The following PLXDC2 variants were observed in gnomAD, a reference collection of about 807,000 sequenced individuals.
PLXDC2 encodes plexin domain containing 2, also known as plexin domain-containing protein 2.
Under a neutral mutation model 68.9 loss-of-function variants are expected in PLXDC2, and 40 were observed. The ratio of observed to expected loss-of-function variants is 0.58; its 90% confidence interval spans 0.45 to 0.76. The LOEUF (loss-of-function observed/expected upper bound fraction) is 0.76, where lower values mean the gene tolerates loss of function less well. Among genes scored for constraint, PLXDC2 ranks in the 30% least tolerant of loss-of-function variants. The pLI is 0.00. For synonymous variants in PLXDC2, 243 were observed against 234.2 expected (o/e 1.04, Z -0.34); for missense variants, 644 against 661.9 (o/e 0.97, Z 0.30).
At chr10:20,149,471 T>G (rs1834124214) in intron 6 of PLXDC2, among the ~76,000 whole-genome samples, 1 of 151,968 alleles carries the variant, frequency 6.6e-6, no homozygotes, top group Admixed American at 6.6e-5. Flanking sequence ...ACGCCCTACC[T>G]CAGGTGATCC....
intron 2 of PLXDC2, among the ~76,000 whole-genome samples, chr10:20,022,012 A>C (rs1421631015): frequency 6.6e-6 from 1 of 152,174 alleles, no homozygotes; most frequent in East Asian, 1.9e-4. Context: ...TTTATTTTGT[A>C]GACATCTGCT....
intron 4 of PLXDC2, among the ~76,000 whole-genome samples, chr10:20,108,701 G>T (rs757187835): frequency 6.6e-6 from 1 of 152,058 alleles, no homozygotes; most frequent in African/African-American, 2.4e-5. Context: ...TTAAATTGAG[G>T]TTATGTCACT....
intron 9 of PLXDC2, among the ~76,000 whole-genome samples, chr10:20,201,889 T>C (rs931757482): frequency 1.3e-5 from 2 of 152,118 alleles, no homozygotes; most frequent in African/African-American, 2.4e-5. Context: ...CAAGTAAATA[T>C]GCATTAAATA....
At chr10:19,978,235 G>A (rs1198537485) in intron 1 of PLXDC2, among the ~76,000 whole-genome samples, 3 of 152,114 alleles carry the variant, frequency 2.0e-5, no homozygotes, top group Admixed American at 2.0e-4. Context: ...CATAGATTCA[G>A]CTTACAGTCT....
At chr10:20,115,080 G>A (rs906040394) in intron 4 of PLXDC2, among the ~76,000 whole-genome samples, 2 of 152,156 alleles carry the variant, frequency 1.3e-5, no homozygotes, top group Non-Finnish European at 2.9e-5. Context: ...GCTAGATTCT[G>A]ATGACATTGG....
intron 4 of PLXDC2, among the ~76,000 whole-genome samples, chr10:20,130,595 T>G (rs1451674527): frequency 6.6e-6 from 1 of 152,158 alleles, no homozygotes; most frequent in African/African-American, 2.4e-5. Flanking sequence ...AGCTTTTAGC[T>G]TTTTATCATT....
Position 20,031,349 on chromosome 10 carries a change from G to A in PLXDC2, c.325-15520G>A, listed in dbSNP as rs555079928. Among the ~76,000 whole-genome samples, 7 of 151,928 alleles carry A rather than the reference G, an allele frequency of 4.6e-5. No homozygotes were observed. The East Asian group carries it at 5.8e-4, about 13-fold the overall frequency. On this transcript the variant is annotated intron_variant, in intron 2 of 13. Coordinates refer to ENST00000377252, the MANE Select transcript of PLXDC2 (RefSeq NM_032812.9). ...TGTGCCACTGCTCTCCAGCCTGGGC[G>A]ACAGAGCAAGATCCTATTAAAAAAA...
intron 1 of PLXDC2, among the ~76,000 whole-genome samples, chr10:19,831,981 G>A (rs999687610): frequency 3.3e-5 from 5 of 152,080 alleles, no homozygotes; most frequent in African/African-American, 1.2e-4. Context: ...CTCTTTCATG[G>A]ATGACATATC....
chr10:19,891,626 G>A (rs1837965528), intron 1 of PLXDC2, among the ~76,000 whole-genome samples: 1 of 152,180 alleles, frequency 6.6e-6, no homozygotes, highest in Admixed American at 6.5e-5. Flanking sequence ...TCCCTACAAA[G>A]AGATTAGGCC....
At chr10:20,111,065 A>C (rs1490548363) in intron 4 of PLXDC2, among the ~76,000 whole-genome samples, 1 of 152,198 alleles carries the variant, frequency 6.6e-6, no homozygotes, top group Non-Finnish European at 1.5e-5. Context: ...TATACAACAG[A>C]AATCAGCCAG....
rs1588562950 is a variant in PLXDC2 at position 20,287,986 on chromosome 10, G to GC, written c.*8167_*8168insC. On this transcript the variant is annotated 3_prime_UTR_variant, in exon 14 of 14. Transcript: ENST00000377252. ...ATTGGGCACTTCTTGCGGCGGGGGAGGGGGGGGGGGCGGTGGCTTTCCAGA... is the reference window on the plus strand; with the variant it reads ...ATTGGGCACTTCTTGCGGCGGGGGAGCGGGGGGGGGGCGGTGGCTTTCCAGA... 1 of 94,026 alleles carries GC rather than the reference G, an allele frequency of 1.1e-5. No homozygotes were observed. The highest frequency in any genetic ancestry group is 4.3e-5 in the African/African-American group (1 of 23,102). The allele number at this position is 94,026 out of a possible 1,614,324, so 5.8% of individuals were successfully genotyped here.
At chr10:20,232,453 T>C (rs990761143) in intron 12 of PLXDC2, among the ~76,000 whole-genome samples, 1 of 152,098 alleles carries the variant, frequency 6.6e-6, no homozygotes, top group Admixed American at 6.6e-5. Context: ...ACATAATTCA[T>C]AATTGTCAAT....
At chr10:20,015,073 G>A (rs1835187655) in intron 2 of PLXDC2, among the ~76,000 whole-genome samples, 1 of 152,198 alleles carries the variant, frequency 6.6e-6, no homozygotes, top group Non-Finnish European at 1.5e-5. Context: ...TGAGTTGACA[G>A]CAGGGAATCA....
chr10:19,822,396 T>C (rs1348463904), intron 1 of PLXDC2, among the ~76,000 whole-genome samples: 3 of 151,978 alleles, frequency 2.0e-5, no homozygotes, highest in African/African-American at 7.2e-5. Context: ...CAGGTTGTTG[T>C]CATATCTTGG....
At chr10:19,902,409 A>C (rs1433716623) in intron 1 of PLXDC2, among the ~76,000 whole-genome samples, 1 of 152,020 alleles carries the variant, frequency 6.6e-6, no homozygotes, top group Admixed American at 6.6e-5. Context: ...GTACATTCCT[A>C]AGTATTTTAT....
intron 2 of PLXDC2, among the ~76,000 whole-genome samples, chr10:20,026,346 A>G (rs1485583191): frequency 2.0e-5 from 3 of 152,158 alleles, no homozygotes; most frequent in Admixed American, 6.6e-5. Flanking sequence ...TGGCATTTCA[A>G]CTGCAAAGAC....
chr10:19,935,849 C>A (rs1185101871), intron 1 of PLXDC2, among the ~76,000 whole-genome samples: 2 of 152,182 alleles, frequency 1.3e-5, no homozygotes, highest in African/African-American at 4.8e-5. Context: ...AAGAAGTGAA[C>A]ATTCTAGTAC....
intron 9 of PLXDC2, among the ~76,000 whole-genome samples, chr10:20,201,509 A>C (rs1337966987): frequency 6.6e-6 from 1 of 151,962 alleles, no homozygotes; most frequent in Non-Finnish European, 1.5e-5. Context: ...TTATAATGAT[A>C]CAAAACTATA....
chr10:19,894,484 G>A (rs1385988285), intron 1 of PLXDC2, among the ~76,000 whole-genome samples: 3 of 151,996 alleles, frequency 2.0e-5, no homozygotes, highest in Non-Finnish European at 2.9e-5. Flanking sequence ...ATATCTATTT[G>A]TAGATCCTTT....
Sources: allele counts gnomAD v4.1 joint callset (sites outside exome capture counted in the v4.1 genomes callset), GRCh38; gene constraint gnomAD v4.1.1; transcripts MANE v1.5; gene names NCBI Gene and HGNC (gene_info 2026-07-23, HGNC 2026-07-21).